MSL2: variants seen among roughly 807,000 people sequenced by gnomAD.
MSL2 encodes the protein MSL complex subunit 2, also known as E3 ubiquitin-protein ligase MSL2.
MSL2 carries 2 observed loss-of-function variants against 35.8 expected under a neutral mutation model. That is an observed-to-expected ratio of 0.06 (90% confidence interval 0.02 to 0.18). The LOEUF is 0.18. Ranked by LOEUF, MSL2 falls within the 10% of genes least tolerant of loss-of-function variation. MSL2 has a pLI of 1.00. For synonymous variants in MSL2, 296 were observed against 255.7 expected (o/e 1.16, Z -1.50); for missense variants, 523 against 706.7 (o/e 0.74, Z 2.95).
intron 1 of MSL2, chr3:136,155,854 C>G (rs530616735): frequency 5.2e-6 from 3 of 578,498 alleles, no homozygotes; most frequent in Non-Finnish European, 1.0e-5. Flanking sequence ...ATGGCCAGCT[C>G]CGCTGCTTTC....
chr3:136,154,210 T>C (rs1939454308), intron 1 of MSL2, among the ~76,000 whole-genome samples: 2 of 151,946 alleles, frequency 1.3e-5, no homozygotes, highest in African/African-American at 4.8e-5. Context: ...GAAAAAATTA[T>C]ATTTAAACTT....
chr3:136,189,826 C>A (rs1940632604), intron 1 of MSL2, among the ~76,000 whole-genome samples: 1 of 151,894 alleles, frequency 6.6e-6, no homozygotes, highest in African/African-American at 2.4e-5. Flanking sequence ...AACCTCTGAC[C>A]AAAGAGCTAT....
chr3:136,190,184 T>C (rs1307943994), intron 1 of MSL2, among the ~76,000 whole-genome samples: 1 of 152,216 alleles, frequency 6.6e-6, no homozygotes, highest in African/African-American at 2.4e-5. Flanking sequence ...TTACTTGTCT[T>C]CCCAGTAACA....
intron 1 of MSL2, among the ~76,000 whole-genome samples, chr3:136,169,010 G>A (rs988927975): frequency 6.6e-6 from 1 of 151,948 alleles, no homozygotes; most frequent in East Asian, 1.9e-4. Flanking sequence ...CATATCACAC[G>A]GCTGTGAGGC....
intron 1 of MSL2, among the ~76,000 whole-genome samples, chr3:136,159,915 T>C (rs552232949): frequency 5.3e-5 from 8 of 151,272 alleles, no homozygotes; most frequent in African/African-American, 1.2e-4. Flanking sequence ...GAAAAAAAAA[T>C]AGTTAAATGG....
intron 1 of MSL2, among the ~76,000 whole-genome samples, chr3:136,176,908 C>T (rs797015069): frequency 6.5e-4 from 99 of 152,278 alleles, no homozygotes; most frequent in African/African-American, 2.3e-3. Flanking sequence ...AACAGCAACA[C>T]AAACGGACTT....
intron 1 of MSL2, among the ~76,000 whole-genome samples, chr3:136,184,969 G>GT (rs1310815895): frequency 6.6e-6 from 1 of 152,078 alleles, no homozygotes; most frequent in Admixed American, 6.6e-5. Flanking sequence ...TTTGGAAACA[G>GT]TAACCACCAA....
At chr3:136,155,148 G>A (rs942624467) in intron 1 of MSL2, among the ~76,000 whole-genome samples, 4 of 151,844 alleles carry the variant, frequency 2.6e-5, no homozygotes, top group Non-Finnish European at 5.9e-5. Context: ...GGCAGAGGTT[G>A]CAATGAGCTG....
intron 1 of MSL2, among the ~76,000 whole-genome samples, chr3:136,189,108 C>CAAAAAAAAAAAAAA (rs372715974): frequency 5.2e-5 from 2 of 38,610 alleles, no homozygotes; most frequent in African/African-American, 2.0e-4. Flanking sequence ...CCTGTCTCTA[C>CAAAAAAAAAAAAAA]AAAAAAAAAA....
intron 1 of MSL2, among the ~76,000 whole-genome samples, chr3:136,169,634 G>C (rs1939961225): frequency 6.6e-6 from 1 of 151,970 alleles, no homozygotes. Context: ...ATTTTTAGTA[G>C]AGACGGGGTT....
chr3:136,178,846 C>CT (rs1284845133), intron 1 of MSL2, among the ~76,000 whole-genome samples: 10 of 151,882 alleles, frequency 6.6e-5, no homozygotes, highest in African/African-American at 1.9e-4. Context: ...CCAGCACACA[C>CT]TTTTTTTAAC....
At chr3:136,165,885 TAA>T (rs1254394544) in intron 1 of MSL2, among the ~76,000 whole-genome samples, 4 of 151,940 alleles carry the variant, frequency 2.6e-5, no homozygotes, top group South Asian at 2.1e-4. Flanking sequence ...ATGGGATAAC[TAA>T]AAGAGTATAA....
Position 136,152,961 on chromosome 3 carries a change from T to C in MSL2, c.143-223A>G, listed in dbSNP as rs556360184. 5 of 985,434 alleles carry C rather than the reference T, an allele frequency of 5.1e-6. No individual in the cohort carries two copies. In the East Asian group the frequency reaches 3.4e-4, roughly 67 times the overall value. The allele number at this position is 985,434 out of a possible 1,614,324, so 61.0% of individuals were successfully genotyped here. On this transcript the variant is annotated intron_variant, in intron 1 of 1. Transcript: ENST00000309993. ...CAGTTATCTCAAACCAAAATCATCCTTGATTCTGTGTCTCTCTCCCCAAGC... is the reference window on the plus strand; with the variant it reads ...CAGTTATCTCAAACCAAAATCATCCCTGATTCTGTGTCTCTCTCCCCAAGC...
intron 1 of MSL2, among the ~76,000 whole-genome samples, chr3:136,178,830 G>A (rs756231545): frequency 9.9e-5 from 15 of 151,916 alleles, no homozygotes; most frequent in Non-Finnish European, 2.1e-4. Flanking sequence ...GAGTCGCTGC[G>A]CCCCGCCAGC....
chr3:136,172,776 T>TA (rs571911175), intron 1 of MSL2, among the ~76,000 whole-genome samples: 133 of 148,580 alleles, frequency 9.0e-4, no homozygotes, highest in Non-Finnish European at 1.5e-3. Context: ...CAAGAGCTAA[T>TA]AAAAAAAAAA....
intron 1 of MSL2, among the ~76,000 whole-genome samples, chr3:136,161,840 C>G (rs893081022): frequency 6.6e-6 from 1 of 152,134 alleles, no homozygotes; most frequent in East Asian, 1.9e-4. Context: ...CAGAATCCAA[C>G]CTTCTACCTA....
At chr3:136,165,144 G>C (rs1576361716) in intron 1 of MSL2, among the ~76,000 whole-genome samples, 1 of 151,322 alleles carries the variant, frequency 6.6e-6, no homozygotes, top group South Asian at 2.1e-4. Context: ...CCAAAGTGCT[G>C]GGATTACAGG....
chr3:136,175,376 C>T lies in MSL2; in HGVS notation c.142+19596G>A, dbSNP rs1243936821. Among the ~76,000 whole-genome samples the T allele has an allele frequency of 2.6e-5, 4 of 151,606 alleles. No homozygotes were observed. The East Asian group carries it at 7.8e-4, about 29-fold the overall frequency. ...AAAAAAAAAGTGGGAGAATACACTT[C>T]TCTCACTGATGTCAAAAGTCTGAGA... On this transcript the variant is annotated intron_variant, in intron 1 of 1. Coordinates refer to ENST00000309993, the MANE Select transcript of MSL2 (RefSeq NM_018133.4).
chr3:136,178,983 T>C (rs1444017903), intron 1 of MSL2, among the ~76,000 whole-genome samples: 1 of 115,002 alleles, frequency 8.7e-6, no homozygotes, highest in Non-Finnish European at 1.7e-5. Flanking sequence ...GGTTTTCTTT[T>C]TTTTTTTTTT....
Sources: gnomAD v4.1 joint callset for allele counts (sites outside exome capture counted in the v4.1 genomes callset) on GRCh38, gnomAD v4.1.1 for gene constraint, MANE v1.5 for transcripts, NCBI Gene and HGNC (gene_info 2026-07-23, HGNC 2026-07-21) for gene names.